The following RHOF variants were observed in gnomAD, a reference collection of about 807,000 sequenced individuals.
RHOF encodes the protein rho-related GTP-binding protein RhoF.
A neutral mutation model predicts 22.2 loss-of-function variants in RHOF; 21 were observed. The observed-to-expected ratio is 0.95, with a 90% CI of 0.67 to 1.36. RHOF has a LOEUF of 1.36. RHOF is among the 40% of genes most tolerant of loss of function. The probability of loss-of-function intolerance (pLI) is 0.00; values close to 1 mark genes in which losing one functional copy is unlikely to be tolerated. For missense variants in RHOF, 285 were observed against 293.7 expected (o/e 0.97, Z 0.22); for synonymous variants, 135 against 131.2 (o/e 1.03, Z -0.20).
intron 2 of RHOF, among the ~76,000 whole-genome samples, chr12:121,783,563 A>G (rs1314596825): frequency 1.3e-5 from 2 of 152,010 alleles, no homozygotes; most frequent in African/African-American, 4.8e-5. Flanking sequence ...GCTCACTGCA[A>G]CCTACACCTC....
At chr12:121,789,555 C>G (rs1874709430) in intron 2 of RHOF, among the ~76,000 whole-genome samples, 1 of 152,176 alleles carries the variant, frequency 6.6e-6, no homozygotes, top group African/African-American at 2.4e-5. Context: ...CGGCGTTGGT[C>G]AGGGAGGGGT....
At position 121,780,958 on chromosome 12, in the gene RHOF, T is replaced by G. The variant is rs565327185; in HGVS notation, c.385A>C (p.Ile129Leu). 1 of 1,614,004 alleles carries G rather than the reference T, an allele frequency of 6.2e-7. No homozygotes were observed. Among genetic ancestry groups the G allele is most frequent in the Non-Finnish European group, 8.5e-7 (1 of 1,179,990 alleles). The change falls in exon 4 of 5, where the codon ATC becomes CTC. Residue 129 changes from isoleucine to leucine, a missense_variant. Transcript: ENST00000267205. ...HFCRGIPMVL[I>L]GCKTDLRKDK... is the part of the protein sequence containing the mutation. Reference sequence around the variant, plus strand: ...TTCCTCAGGTCTGTCTTGCAGCCGATGAGCACCATGGGGATCCCGCGGCAG... The same window carrying G: ...TTCCTCAGGTCTGTCTTGCAGCCGAGGAGCACCATGGGGATCCCGCGGCAG...
In RHOF at chr12:121,779,453, C is replaced by T. The variant is rs551464295; in HGVS notation, c.*45G>A. 15 of 1,593,522 alleles carry T rather than the reference C, an allele frequency of 9.4e-6. No homozygotes were observed. Among genetic ancestry groups the T allele is most frequent in the Admixed American group, 1.7e-5 (1 of 58,974 alleles). On this transcript the variant is annotated 3_prime_UTR_variant, in exon 5 of 5. Coordinates refer to ENST00000267205, the MANE Select transcript of RHOF (RefSeq NM_019034.3). Reference sequence around the variant, plus strand: ...CTCCCTGGTGCAATCGGCACCTGGGCCCCCGGGCCCTGTCAGTGCTGTCGT... The same window carrying T: ...CTCCCTGGTGCAATCGGCACCTGGGTCCCCGGGCCCTGTCAGTGCTGTCGT...
Position 121,779,447 on chromosome 12 carries a change from C to T in RHOF, c.*51G>A, listed in dbSNP as rs371789329. ...GGCAGCCTCCCTGGTGCAATCGGCA[C>T]CTGGGCCCCCGGGCCCTGTCAGTGC... On this transcript the variant is annotated 3_prime_UTR_variant, in exon 5 of 5. Coordinates refer to ENST00000267205, the MANE Select transcript of RHOF (RefSeq NM_019034.3). 4 of 1,590,636 alleles carry T rather than the reference C, an allele frequency of 2.5e-6. No individual in the cohort carries two copies. The highest frequency in any genetic ancestry group is 1.7e-5 in the Admixed American group (1 of 58,864).
intron 2 of RHOF, among the ~76,000 whole-genome samples, chr12:121,786,759 G>A (rs551149418): frequency 4.0e-5 from 6 of 151,882 alleles, no homozygotes; most frequent in South Asian, 2.1e-4. Context: ...CTCTGGGGCC[G>A]GGCGGGGTGA....
At chr12:121,793,307 C>CT (rs1435477008) in intron 1 of RHOF, 68 bp from the exon 2 acceptor site, 1 of 1,472,078 alleles carries the variant, frequency 6.8e-7, no homozygotes, top group East Asian at 2.5e-5. Context: ...GCTGAATCCA[C>CT]TGTCCACCCC....
intron 2 of RHOF, chr12:121,782,850 C>CAAAAT (rs1874508167): frequency 6.6e-6 from 1 of 152,196 alleles, no homozygotes; most frequent in Non-Finnish European, 1.5e-5. Flanking sequence ...GTCTTGGCTT[C>CAAAAT]CCCATCTGGG....
At chr12:121,780,030 G>C (rs1401486017) in intron 4 of RHOF, 1 of 204,032 alleles carries the variant, frequency 4.9e-6, no homozygotes, top group Non-Finnish European at 1.0e-5. Context: ...TTCTCTGAAA[G>C]TACCATTTAG....
chr12:121,787,344 C>T (rs958967160), intron 2 of RHOF, among the ~76,000 whole-genome samples: 3 of 152,148 alleles, frequency 2.0e-5, no homozygotes, highest in Admixed American at 6.5e-5. Context: ...CTGTTAAGAA[C>T]GCAAGTGGTG....
intron 2 of RHOF, among the ~76,000 whole-genome samples, chr12:121,792,698 G>A (rs1874794513): frequency 6.6e-6 from 1 of 152,236 alleles, no homozygotes; most frequent in South Asian, 2.1e-4. Flanking sequence ...ACAGAGCCCT[G>A]GAGCCACAGG....
chr12:121,782,303 G>A (rs1874490699), intron 2 of RHOF: 1 of 152,244 alleles, frequency 6.6e-6, no homozygotes. Flanking sequence ...GTCAGATTTT[G>A]ACCATTTCAC....
chr12:121,786,364 C>G (rs578130767), intron 2 of RHOF, among the ~76,000 whole-genome samples: 2 of 152,274 alleles, frequency 1.3e-5, no homozygotes, highest in East Asian at 3.9e-4. Flanking sequence ...CAAGGTTGTT[C>G]CACTCTCGTC....
chr12:121,789,912 G>A (rs961754415), intron 2 of RHOF, among the ~76,000 whole-genome samples: 1 of 152,168 alleles, frequency 6.6e-6, no homozygotes, highest in Non-Finnish European at 1.5e-5. Context: ...CCTTGGCCCT[G>A]ATGAGCTCAC....
chr12:121,786,415 T>A (rs1294040140), intron 2 of RHOF, among the ~76,000 whole-genome samples: 1 of 152,178 alleles, frequency 6.6e-6, no homozygotes, highest in African/African-American at 2.4e-5. Context: ...CCCACTGGGT[T>A]TGGCAACTAT....
chr12:121,791,728 C>A (rs1874769484), intron 2 of RHOF, among the ~76,000 whole-genome samples: 1 of 152,216 alleles, frequency 6.6e-6, no homozygotes. Flanking sequence ...GGAGGCTGCC[C>A]TGAACAGTGA....
At chr12:121,789,864 C>T (rs563241710) in intron 2 of RHOF, among the ~76,000 whole-genome samples, 3 of 152,236 alleles carry the variant, frequency 2.0e-5, no homozygotes, top group African/African-American at 7.2e-5. Flanking sequence ...CGGGCAACCC[C>T]TATCCCATCC....
chr12:121,779,606 C>T lies in RHOF; in HGVS notation c.528G>A (p.Lys176=), dbSNP rs940679117. ...AGACGTCCTCCACATTCTCCCGAAA[C>T]TTGGCGGAACATTCCAGGTAGAGAG... ...RAALYLECSA[K]FRENVEDVFR... The change falls in exon 5 of 5, where the codon AAG becomes AAA. Residue 176 remains lysine, a synonymous_variant. Coordinates refer to ENST00000267205, the MANE Select transcript of RHOF (RefSeq NM_019034.3). The T allele has an allele frequency of 1.2e-6, 2 of 1,614,242 alleles. No homozygotes were observed. Among genetic ancestry groups the T allele is most frequent in the Non-Finnish European group, 8.5e-7 (1 of 1,180,040 alleles).
chr12:121,789,193 G>A (rs1874695985), intron 2 of RHOF, among the ~76,000 whole-genome samples: 1 of 152,070 alleles, frequency 6.6e-6, no homozygotes, highest in South Asian at 2.1e-4. Flanking sequence ...TCATGCTATG[G>A]CACTCCAGCC....
Position 121,793,666 on chromosome 12 carries a change from C to G in RHOF, c.-33G>C, listed in dbSNP as rs1170943973. 10 of 1,498,734 alleles carry G rather than the reference C, an allele frequency of 6.7e-6. No individual in the cohort carries two copies. The South Asian group carries it at 1.3e-4, about 19-fold the overall frequency. The allele number at this position is 1,498,734 out of a possible 1,614,324, so 92.8% of individuals were successfully genotyped here. Reference sequence around the variant, plus strand: ...AGCCCGCAGCACTGGCGGCGGCGCGCCGGGCACTAGCGGAGCCAAGAGGTC... The same window carrying G: ...AGCCCGCAGCACTGGCGGCGGCGCGGCGGGCACTAGCGGAGCCAAGAGGTC... On this transcript the variant is annotated 5_prime_UTR_variant, in exon 1 of 5. Transcript: ENST00000267205.
Sources: gnomAD v4.1 joint callset for allele counts (sites outside exome capture counted in the v4.1 genomes callset) on GRCh38, gnomAD v4.1.1 for gene constraint, MANE v1.5 for transcripts, NCBI Gene and HGNC (gene_info 2026-07-23, HGNC 2026-07-21) for gene names.